The following BSN variants were observed in gnomAD, a reference collection of about 807,000 sequenced individuals.
The protein encoded by BSN is bassoon presynaptic cytomatrix protein.
Under a neutral mutation model 264.8 loss-of-function variants are expected in BSN, and 57 were observed. The ratio of observed to expected loss-of-function variants is 0.22; its 90% CI spans 0.17 to 0.27. BSN has a LOEUF of 0.27. BSN is among the 10% of genes least tolerant of loss of function. The pLI is 1.00. For missense variants in BSN, 4,615 were observed against 5,232.5 expected, an observed-to-expected ratio of 0.88 and a Z score of 3.64; for synonymous variants, 2,059 against 2,137.3, an observed-to-expected ratio of 0.96 and a Z score of 1.01.
Position 49,662,969 on chromosome 3 carries a change from C to T in BSN, c.10811C>T (p.Ser3604Phe). The change falls in exon 7 of 12, where the codon TCC (serine) becomes TTC (phenylalanine). Residue 3604 changes from serine to phenylalanine, a missense_variant. Around this residue, in one of 3 missense-constraint regions of BSN, gnomAD observed 3,415 missense variants for 3,866.4 expected, o/e 0.88. Transcript: ENST00000296452. ...RFRHHGGHAVSSSSQKRGPAR... is the reference protein window; with the variant it reads ...RFRHHGGHAVFSSSQKRGPAR... Reference sequence around the variant, plus strand: ...AGGCACCACGGGGGCCATGCAGTTTCCTCCTCCTCCCAGAAGCGAGGCCCT... The same window carrying T: ...AGGCACCACGGGGGCCATGCAGTTTTCTCCTCCTCCCAGAAGCGAGGCCCT... 6.2e-7 allele frequency: 1 copy of T among 1,614,136 alleles called. No homozygotes were observed. Among genetic ancestry groups the T allele is most frequent in the Non-Finnish European group, 8.5e-7 (1 of 1,180,022 alleles).
In BSN at chr3:49,657,089, T is replaced by G; in HGVS notation, c.7533T>G (p.Ile2511Met). 6.2e-7 allele frequency: 1 copy of G among 1,609,880 alleles called. No individual in the cohort carries two copies. Among genetic ancestry groups the G allele is most frequent in the Non-Finnish European group, 8.5e-7 (1 of 1,177,402 alleles). ...YWPPLTHAAF[I>M]AMAGPEGLGQ... ...CCCCCCTTACACATGCAGCCTTCAT[T>G]GCCATGGCAGGGCCTGAAGGACTTG... The change falls in exon 5 of 12, where the codon ATT (isoleucine) becomes ATG (methionine). Residue 2511 changes from isoleucine to methionine, a missense_variant. By Grantham distance (10) the Ile-to-Met change is conservative (BLOSUM62 1). This residue lies in a region of BSN where 3,415 missense variants were observed against 3,866.4 expected (regional missense o/e 0.88). Coordinates refer to ENST00000296452, the MANE Select transcript of BSN (RefSeq NM_003458.4).
At chr3:49,622,539 C>T (rs2052314227) in intron 1 of BSN, among the ~76,000 whole-genome samples, 1 of 152,148 alleles carries the variant, frequency 6.6e-6, no homozygotes, top group Non-Finnish European at 1.5e-5. Context: ...AGATTGCCTG[C>T]TACTTATTGG....
In BSN at chr3:49,671,155, TGC is replaced by T. The variant is rs10603667; in HGVS notation, c.*3672_*3673del. ...TCATGTGTGTATGTGCGTGCGTGCG[TGC>T]GTGTGTGTGTGTGTGTGTGTTTCTG... On this transcript the variant is annotated 3_prime_UTR_variant, in exon 12 of 12. Coordinates refer to ENST00000296452, the MANE Select transcript of BSN (RefSeq NM_003458.4). This position sits in a 1 kb window ranked among gnomAD's most constrained non-coding sequence, Gnocchi z 4.1. 116,958 of 147,536 alleles carry T rather than the reference TGC, an allele frequency of 0.79. 46,450 individuals are homozygous for T. Among genetic ancestry groups the T allele is most frequent in the East Asian group, 0.96 (4,762 of 4,980 alleles). 9.1% of individuals were successfully genotyped at this position (147,536 alleles called of 1,614,324 possible). A position where few individuals can be genotyped will look rare whatever the true frequency, so the allele number is the denominator to read the frequency against.
intron 1 of BSN, among the ~76,000 whole-genome samples, chr3:49,610,240 T>C (rs2052195330): frequency 6.6e-6 from 1 of 152,214 alleles, no homozygotes; most frequent in South Asian, 2.1e-4. Flanking sequence ...GATGGAGTTT[T>C]GTGTGTGAGA....
At chr3:49,644,940 C>T (rs2052494096) in intron 3 of BSN, among the ~76,000 whole-genome samples, 1 of 152,244 alleles carries the variant, frequency 6.6e-6, no homozygotes. Context: ...CGTTCACACG[C>T]TGACTAGATG....
At position 49,653,640 on chromosome 3, in the gene BSN, T is replaced by A. The variant is rs2052564973; in HGVS notation, c.4084T>A (p.Ser1362Thr). 1.9e-6 allele frequency: 3 copies of A among 1,613,432 alleles called. No homozygotes were observed. The highest frequency in any genetic ancestry group is 2.7e-5 in the African/African-American group (2 of 74,844). ...CCTCAAGCTGCACAGCTCTCCTGCCTCCCCCAGCTCAGCCTCCAAGGAGAT... is the reference window on the plus strand; with the variant it reads ...CCTCAAGCTGCACAGCTCTCCTGCCACCCCCAGCTCAGCCTCCAAGGAGAT... ...DPLKLHSSPA[S>T]PSSASKEIGM... is the part of the protein sequence containing the mutation. The change falls in exon 5 of 12, where the codon TCC becomes ACC. Residue 1362 changes from serine to threonine, a missense_variant. Physicochemically the swap from Ser to Thr is moderately conservative, Grantham distance 58 (BLOSUM62 1). This residue lies in a region of BSN where 3,415 missense variants were observed against 3,866.4 expected (regional missense o/e 0.88). Coordinates refer to ENST00000296452, the MANE Select transcript of BSN (RefSeq NM_003458.4). This position sits in a 1 kb window ranked among gnomAD's most constrained non-coding sequence, Gnocchi z 6.3.
intron 3 of BSN, among the ~76,000 whole-genome samples, chr3:49,649,735 T>C (rs2052526804): frequency 6.6e-6 from 1 of 152,246 alleles, no homozygotes. Context: ...CCAGAAAGGC[T>C]GCATGCCAGT....
At position 49,625,054 on chromosome 3, in the gene BSN, A is replaced by G; in HGVS notation, c.304A>G (p.Thr102Ala). 6.3e-7 allele frequency: 1 copy of G among 1,598,248 alleles called. No homozygotes were observed. ...CCCAACTCCGAAGCAGGCTTCTGCT[A>G]CCACTCCTGGCCATGAGAGCCCCCG... The part of the protein sequence containing the change: ...ASPTPKQASA[T>A]TPGHESPRET... Residue 102 changes from threonine (T) to alanine (A), a missense_variant, in exon 2 of 12, where the codon ACC becomes GCC. Thr to Ala is a moderately conservative substitution (Grantham distance 58). Coordinates refer to ENST00000296452, the MANE Select transcript of BSN (RefSeq NM_003458.4). The surrounding 1 kb of genome is among the most constrained non-coding windows in gnomAD (Gnocchi z 4.4).
intron 1 of BSN, among the ~76,000 whole-genome samples, chr3:49,555,821 G>T (rs2051664584): frequency 6.6e-6 from 1 of 152,212 alleles, no homozygotes; most frequent in Admixed American, 6.5e-5. Context: ...GCTCCATGTG[G>T]GTCTGCTGAT....
chr3:49,613,870 T>G (rs1305983668), intron 1 of BSN, among the ~76,000 whole-genome samples: 1 of 151,942 alleles, frequency 6.6e-6, no homozygotes, highest in African/African-American at 2.4e-5. Flanking sequence ...GAAACGTGGT[T>G]TCTATGAGTT....
At chr3:49,635,762 C>G (rs1017427101) in intron 2 of BSN, among the ~76,000 whole-genome samples, 1 of 151,948 alleles carries the variant, frequency 6.6e-6, no homozygotes, top group South Asian at 2.1e-4. Flanking sequence ...ATTGCTTGAG[C>G]CCAGGGATTC....
intron 1 of BSN, among the ~76,000 whole-genome samples, chr3:49,619,718 A>G (rs2052289311): frequency 6.6e-6 from 1 of 152,190 alleles, no homozygotes; most frequent in African/African-American, 2.4e-5. Flanking sequence ...GCCAACTGCT[A>G]TAGGGAGGAA....
intron 1 of BSN, among the ~76,000 whole-genome samples, chr3:49,606,147 ATGTATATATT>A: frequency 1.8e-5 from 1 of 56,642 alleles, no homozygotes; most frequent in African/African-American, 7.2e-5. Flanking sequence ...TATATTATAT[ATGTATATATT>A]ATATATACAT....
In BSN at chr3:49,653,535, ACCT is replaced by A; in HGVS notation, c.3984_3986del (p.Ser1329del). 5 of 1,612,146 alleles carry A rather than the reference ACCT, an allele frequency of 3.1e-6. No individual in the cohort carries two copies. The highest frequency in any genetic ancestry group is 1.3e-5 in the African/African-American group (1 of 74,332). ...TGCCCCTGTGTCCTTCTCTACCCCC[ACCT>A]CCTCAGACAGCAGCGGGGGCCGAGT... On this transcript the variant is annotated inframe_deletion, in exon 5 of 12. Transcript: ENST00000296452. The surrounding 1 kb of genome is among the most constrained non-coding windows in gnomAD (Gnocchi z 6.3).
chr3:49,657,347 C>T lies in BSN; in HGVS notation c.7791C>T (p.Leu2597=). Residue 2597 remains leucine (L), a synonymous_variant, in exon 5 of 12, where the codon CTC becomes CTT. Transcript: ENST00000296452. ...TDDEDGESRY[L]LSRRRRARRS... is the part of the protein sequence containing the mutation. ...ATGAGGATGGGGAGAGCCGCTACCTCTTGAGTCGGCGACGCCGGGCACGGC... is the reference window on the plus strand; with the variant it reads ...ATGAGGATGGGGAGAGCCGCTACCTTTTGAGTCGGCGACGCCGGGCACGGC... 3 of 1,613,432 alleles carry T rather than the reference C, an allele frequency of 1.9e-6. No individual in the cohort carries two copies. The highest frequency in any genetic ancestry group is 2.5e-6 in the Non-Finnish European group (3 of 1,180,016).
chr3:49,604,089 C>CT (rs904256487), intron 1 of BSN, among the ~76,000 whole-genome samples: 27 of 148,860 alleles, frequency 1.8e-4, no homozygotes, highest in Non-Finnish European at 2.4e-4. Context: ...TAAAATGTAC[C>CT]TTTTTTTTTT....
chr3:49,656,015 C>T lies in BSN; in HGVS notation c.6459C>T (p.Thr2153=). The change falls in exon 5 of 12, where the codon ACC becomes ACT. Residue 2153 remains threonine, a synonymous_variant. Coordinates refer to ENST00000296452, the MANE Select transcript of BSN (RefSeq NM_003458.4). ...GACCTGGACTCCTTGGTAACCCCAC[C>T]TTTCCAGAGGGCCACCCAAGTCCTG... The part of the protein sequence containing the change: ...PLRPGLLGNP[T]FPEGHPSPGN... 6.2e-7 allele frequency: 1 copy of T among 1,602,774 alleles called. No individual in the cohort carries two copies.
At position 49,653,727 on chromosome 3, in the gene BSN, G is replaced by C. The variant is rs1050663241; in HGVS notation, c.4171G>C (p.Ala1391Pro). The change falls in exon 5 of 12, where the codon GCT (alanine) becomes CCT (proline). Residue 1391 changes from alanine (A) to proline (P), a missense_variant. Transcript: ENST00000296452. This position sits in a 1 kb window ranked among gnomAD's most constrained non-coding sequence, Gnocchi z 6.3. ...PATTAVAPCP[A>P]GLPRGYMTPA... is the part of the protein sequence containing the mutation. ...CACCACAGCTGTGGCTCCTTGTCCA[G>C]CTGGGCTGCCACGAGGATATATGAC... The C allele has an allele frequency of 6.2e-7, 1 of 1,613,798 alleles. No individual in the cohort carries two copies. The highest frequency in any genetic ancestry group is 1.3e-5 in the African/African-American group (1 of 74,842).
At chr3:49,612,651 G>T (rs1004966402) in intron 1 of BSN, among the ~76,000 whole-genome samples, 2 of 152,234 alleles carry the variant, frequency 1.3e-5, no homozygotes, top group African/African-American at 2.4e-5. Context: ...ATTGAGCAGG[G>T]TGTGGCAGGT....
Sources: allele counts gnomAD v4.1 joint callset (sites outside exome capture counted in the v4.1 genomes callset), GRCh38; gene constraint gnomAD v4.1.1; regional missense constraint gnomAD v4.1.1; non-coding constraint Gnocchi (gnomAD v3.1); transcripts MANE v1.5; gene names NCBI Gene and HGNC (gene_info 2026-07-23, HGNC 2026-07-21).